The following TASP1 variants were observed in gnomAD, a reference collection of about 807,000 sequenced individuals.
The protein encoded by TASP1 is threonine aspartase 1.
A neutral mutation model predicts 56.6 loss-of-function variants in TASP1; 16 were observed. That is an observed-to-expected ratio of 0.28 (90% CI 0.19 to 0.43). The LOEUF is 0.43. Among genes scored for constraint, TASP1 ranks in the 20% least tolerant of loss-of-function variants. The pLI, the probability that TASP1 is intolerant of heterozygous loss-of-function variation, is 1.00. For missense variants in TASP1, 393 were observed against 511.6 expected (o/e 0.77, Z 2.24); for synonymous variants, 179 against 184.2 (o/e 0.97, Z 0.23).
intron 10 of TASP1, among the ~76,000 whole-genome samples, chr20:13,494,931 T>C (rs904758729): frequency 6.6e-6 from 1 of 151,356 alleles, no homozygotes; most frequent in Non-Finnish European, 1.5e-5. Context: ...CTCTAAGCCA[T>C]GGTGTGCATT....
intron 11 of TASP1, among the ~76,000 whole-genome samples, chr20:13,481,254 C>T (rs1294483640): frequency 6.6e-6 from 1 of 152,046 alleles, no homozygotes; most frequent in African/African-American, 2.4e-5. Flanking sequence ...ATGACAAGAT[C>T]TCATTCTTTT....
chr20:13,606,508 T>C (rs1601419804), intron 4 of TASP1, among the ~76,000 whole-genome samples: 1 of 152,260 alleles, frequency 6.6e-6, no homozygotes, highest in East Asian at 1.9e-4. Flanking sequence ...CCCTTAAATA[T>C]AAGAATTTGT....
downstream of TASP1, among the ~76,000 whole-genome samples, chr20:13,387,184 A>T (rs201206364): frequency 0.027 from 1,882 of 70,392 alleles, 77 homozygotes; most frequent in East Asian, 0.12. Flanking sequence ...ACATGATTTC[A>T]TTTTTTTTTT....
chr20:13,365,385 G>T, the TASP1 span, among the ~76,000 whole-genome samples: 6 of 152,164 alleles, frequency 3.9e-5, no homozygotes, highest in Non-Finnish European at 8.8e-5. Flanking sequence ...ACCAAAAAAA[G>T]ATAATAATTT....
At chr20:13,407,891 C>T (rs764546285) in intron 13 of TASP1, among the ~76,000 whole-genome samples, 1 of 152,088 alleles carries the variant, frequency 6.6e-6, no homozygotes, top group Non-Finnish European at 1.5e-5. Context: ...AGAAAAATGT[C>T]TACTCAGATC....
chr20:13,609,327 G>C (rs1292529378), intron 4 of TASP1, among the ~76,000 whole-genome samples: 1 of 152,102 alleles, frequency 6.6e-6, no homozygotes, highest in African/African-American at 2.4e-5. Context: ...TTATAACCTT[G>C]CATATTGCTG....
intron 10 of TASP1, among the ~76,000 whole-genome samples, chr20:13,500,566 A>G (rs898489447): frequency 2.0e-5 from 3 of 151,950 alleles, no homozygotes; most frequent in South Asian, 2.1e-4. Context: ...GGAAACTCCA[A>G]CATAGAAAAC....
chr20:13,231,905 T>C, the TASP1 span, among the ~76,000 whole-genome samples: 1 of 152,208 alleles, frequency 6.6e-6, no homozygotes, highest in African/African-American at 2.4e-5. Context: ...GGGCCATTGA[T>C]GTCATCTGGA....
the TASP1 span, chr20:13,154,085 C>A: frequency 1.2e-6 from 2 of 1,614,008 alleles, no homozygotes; most frequent in African/African-American, 2.7e-5. Flanking sequence ...TTATCTATGG[C>A]AATGAGAATG....
In TASP1 at chr20:13,572,685, CA is replaced by C. The variant is rs71188164; in HGVS notation, c.489-3100del. On this transcript the variant is annotated intron_variant, in intron 6 of 13. Coordinates refer to ENST00000337743, the MANE Select transcript of TASP1 (RefSeq NM_017714.3). ...TAGGTGACAGAGTGAGACTCCATCT[CA>C]AAAAAAAAAAAAAAAAAAACTCTCA... Among the ~76,000 whole-genome samples the C allele has an allele frequency of 1.6e-3, 133 of 84,056 alleles. 1 individual carries two copies. The highest frequency in any genetic ancestry group is 7.9e-3 in the South Asian group (15 of 1,906). The allele number at this position is 84,056 out of a possible 152,430, so 55.1% of individuals were successfully genotyped here.
At chr20:13,140,403 T>A in the TASP1 span, among the ~76,000 whole-genome samples, 3 of 152,142 alleles carry the variant, frequency 2.0e-5, no homozygotes, top group African/African-American at 7.2e-5. Flanking sequence ...CTGATGTTCA[T>A]CACATTGGCA....
At chr20:13,305,456 A>G in the TASP1 span, among the ~76,000 whole-genome samples, 1 of 152,158 alleles carries the variant, frequency 6.6e-6, no homozygotes, top group Admixed American at 6.5e-5. Flanking sequence ...TAAGCTTCCC[A>G]GGAAGTGTTG....
chr20:13,109,908 C>G, the TASP1 span, among the ~76,000 whole-genome samples: 4 of 152,296 alleles, frequency 2.6e-5, no homozygotes, highest in African/African-American at 9.6e-5. Context: ...CCTACTTGTA[C>G]AAATCCAACT....
chr20:13,160,616 G>T, the TASP1 span, among the ~76,000 whole-genome samples: 1 of 152,182 alleles, frequency 6.6e-6, no homozygotes, highest in South Asian at 2.1e-4. Flanking sequence ...ATTGTCCCTC[G>T]ATTTCCATTG....
At chr20:13,413,609 A>G (rs553052377) in intron 13 of TASP1, among the ~76,000 whole-genome samples, 3 of 152,222 alleles carry the variant, frequency 2.0e-5, no homozygotes, top group Non-Finnish European at 2.9e-5. Context: ...CATTCATCCA[A>G]TGCAGACTTG....
chr20:13,278,287 A>C, the TASP1 span, among the ~76,000 whole-genome samples: 4 of 152,188 alleles, frequency 2.6e-5, no homozygotes, highest in Non-Finnish European at 5.9e-5. Context: ...ATCTGAGAAC[A>C]AGTTCTAGCT....
At chr20:13,178,071 A>G in the TASP1 span, among the ~76,000 whole-genome samples, 1 of 152,100 alleles carries the variant, frequency 6.6e-6, no homozygotes. Flanking sequence ...AACAACAAAA[A>G]CAATGTAAAA....
At chr20:13,637,932 T>C (rs1307818304) in intron 1 of TASP1, among the ~76,000 whole-genome samples, 15 of 152,196 alleles carry the variant, frequency 9.9e-5, no homozygotes, top group Admixed American at 9.8e-4. Flanking sequence ...AAAAAGACAA[T>C]CTATCCGTGC....
the TASP1 span, among the ~76,000 whole-genome samples, chr20:13,381,918 T>C: frequency 1.2e-4 from 18 of 152,172 alleles, no homozygotes; most frequent in African/African-American, 4.1e-4. Flanking sequence ...TTTCCTGGGG[T>C]TGAGTCTCTG....
Sources: gnomAD v4.1 joint callset for allele counts (sites outside exome capture counted in the v4.1 genomes callset) on GRCh38, gnomAD v4.1.1 for gene constraint, MANE v1.5 for transcripts, NCBI Gene and HGNC (gene_info 2026-07-23, HGNC 2026-07-21) for gene names.